KLHDC3: variants seen among roughly 807,000 people sequenced by gnomAD.
KLHDC3 encodes kelch domain containing 3.
In KLHDC3, 5 loss-of-function variants were observed where a neutral mutation model predicts 44.1. That is an observed-to-expected ratio of 0.11 (90% CI 0.06 to 0.24). The LOEUF (loss-of-function observed/expected upper bound fraction) is 0.24, where lower values mean the gene tolerates loss of function less well. Among genes scored for constraint, KLHDC3 ranks in the 10% least tolerant of loss-of-function variants. KLHDC3 has a pLI of 1.00. For synonymous variants in KLHDC3, 170 were observed against 189.0 expected, an observed-to-expected ratio of 0.90 and a Z score of 0.82; for missense variants, 247 against 514.3, an observed-to-expected ratio of 0.48 and a Z score of 5.03.
rs1762634213 is a variant in KLHDC3, at chr6:43,018,835, T to C, written c.821-28T>C. 5.1e-6 allele frequency: 8 copies of C among 1,579,388 alleles called. No individual in the cohort carries two copies. The highest frequency in any genetic ancestry group is 7.0e-6 in the Non-Finnish European group (8 of 1,150,142). On this transcript the variant is annotated intron_variant, in intron 7 of 10. Transcript: ENST00000326974. The surrounding 1 kb of genome is among the most constrained non-coding windows in gnomAD (Gnocchi z 6.0). ...GGAAGATACCTGGACTAGGCAGGTA[T>C]TGAACTTCCATATAAATTTCTCTTC...
chr6:43,015,013 G>T (rs1159948075), intron 1 of KLHDC3, among the ~76,000 whole-genome samples: 1 of 152,158 alleles, frequency 6.6e-6, no homozygotes, highest in Non-Finnish European at 1.5e-5. Context: ...ATATGGCAGA[G>T]AAACTAAAAT....
chr6:43,017,626 A>G lies in KLHDC3; in HGVS notation c.262A>G (p.Thr88Ala). The G allele has an allele frequency of 6.2e-7, 1 of 1,614,122 alleles. No homozygotes were observed. Residue 88 changes from threonine to alanine, a missense_variant, in exon 3 of 11, where the codon ACA becomes GCA. Coordinates refer to ENST00000326974, the MANE Select transcript of KLHDC3 (RefSeq NM_057161.4). This position sits in a 1 kb window ranked among gnomAD's most constrained non-coding sequence, Gnocchi z 6.0. Reference protein sequence around the residue: ...YGHSTVLIDDTVLLWGGRNDT... With the variant: ...YGHSTVLIDDAVLLWGGRNDT... ...ACACTCAACCGTCCTCATCGACGAC[A>G]CAGTCCTCCTTTGGGGCGGGCGGAA...
chr6:43,019,376 GTGGTTGGAAGGGAGGGAT>G lies in KLHDC3; in HGVS notation c.1082+13_1082+30del. 1 of 1,598,090 alleles carries G rather than the reference GTGGTTGGAAGGGAGGGAT, an allele frequency of 6.3e-7. No homozygotes were observed. The highest frequency in any genetic ancestry group is 8.6e-7 in the Non-Finnish European group (1 of 1,165,532). ...TGCCTCATGATATCAGGTACAGCGA[GTGGTTGGAAGGGAGGGAT>G]TGAGTGAGGGTGAGTGAGCAGCACA... On this transcript the variant is annotated intron_variant, in intron 10 of 10. Coordinates refer to ENST00000326974, the MANE Select transcript of KLHDC3 (RefSeq NM_057161.4).
intron 1 of KLHDC3, among the ~76,000 whole-genome samples, chr6:43,015,774 C>G (rs1450353468): frequency 6.8e-6 from 1 of 146,558 alleles, no homozygotes; most frequent in African/African-American, 2.6e-5. Flanking sequence ...CGCTTGAACC[C>G]GGGAGGGAGG....
In KLHDC3 at chr6:43,018,743, A is replaced by G; in HGVS notation, c.820+24A>G. ...TGGTAAAGAGCACTGCATTTAGGGC[A>G]GGAACAAGGAGCAATTGAGGTGGGA... On this transcript the variant is annotated intron_variant, in intron 7 of 10. Coordinates refer to ENST00000326974, the MANE Select transcript of KLHDC3 (RefSeq NM_057161.4). The surrounding 1 kb of genome is among the most constrained non-coding windows in gnomAD (Gnocchi z 6.0). 3 of 1,601,656 alleles carry G rather than the reference A, an allele frequency of 1.9e-6. No individual in the cohort carries two copies. The highest frequency in any genetic ancestry group is 2.6e-6 in the Non-Finnish European group (3 of 1,168,656).
Position 43,020,897 on chromosome 6 carries a change from G to C in KLHDC3, c.*164G>C. 1.5e-6 allele frequency: 1 copy of C among 685,646 alleles called. No individual in the cohort carries two copies. The allele number at this position is 685,646 out of a possible 1,614,324, so 42.5% of individuals were successfully genotyped here. ...GCTGTGAATTCAGTGGGGAGCTGTA[G>C]CGGGGTGGGGGCTAGGTTCCTCCCC... is the stretch of plus-strand genomic sequence containing the variant. On this transcript the variant is annotated 3_prime_UTR_variant, in exon 11 of 11. Coordinates refer to ENST00000326974, the MANE Select transcript of KLHDC3 (RefSeq NM_057161.4).
At chr6:43,019,848 T>C (rs9462865) in intron 10 of KLHDC3, among the ~76,000 whole-genome samples, 2,011 of 152,310 alleles carry the variant, frequency 0.013, 27 homozygotes, top group Non-Finnish European at 0.022. Flanking sequence ...GTCTGGGTCA[T>C]TCTGAGATAC....
chr6:43,018,801 T>TG lies in KLHDC3; in HGVS notation c.821-57dup. 6.5e-7 allele frequency: 1 copy of TG among 1,538,608 alleles called. No homozygotes were observed. Among genetic ancestry groups the TG allele is most frequent in the South Asian group, 1.1e-5 (1 of 89,622 alleles). ...AAAATAATCCTGAGGCGGTGAGGGATGGGGGTGGGGAAGATACCTGGACTA... is the reference window on the plus strand; with the variant it reads ...AAAATAATCCTGAGGCGGTGAGGGATGGGGGGTGGGGAAGATACCTGGACTA... On this transcript the variant is annotated intron_variant, in intron 7 of 10. Transcript: ENST00000326974. This position sits in a 1 kb window ranked among gnomAD's most constrained non-coding sequence, Gnocchi z 6.0.
intron 10 of KLHDC3, among the ~76,000 whole-genome samples, chr6:43,020,040 G>T (rs987119975): frequency 1.3e-5 from 2 of 152,150 alleles, no homozygotes; most frequent in Non-Finnish European, 2.9e-5. Flanking sequence ...GCTGGGCATA[G>T]TGGCAGCCAC....
intron 1 of KLHDC3, among the ~76,000 whole-genome samples, chr6:43,014,787 TAGG>T (rs1279952335): frequency 6.6e-6 from 1 of 151,566 alleles, no homozygotes; most frequent in East Asian, 1.9e-4. Flanking sequence ...CTTGGAATGG[TAGG>T]AGAAGGAAAA....
Position 43,020,775 on chromosome 6 carries a change from C to T in KLHDC3, c.*42C>T. 6.8e-7 allele frequency: 1 copy of T among 1,466,598 alleles called. No individual in the cohort carries two copies. Among genetic ancestry groups the T allele is most frequent in the Non-Finnish European group, 9.6e-7 (1 of 1,045,432 alleles). The allele number at this position is 1,466,598 out of a possible 1,614,324, so 90.8% of individuals were successfully genotyped here. A position where few individuals can be genotyped will look rare whatever the true frequency, so the allele number is the denominator to read the frequency against. ...CCTCCCCTCCTGAGCCTGCTGTCATCTTCACTGCCCCTGCCCATCTGTCAC... is the reference window on the plus strand; with the variant it reads ...CCTCCCCTCCTGAGCCTGCTGTCATTTTCACTGCCCCTGCCCATCTGTCAC... On this transcript the variant is annotated 3_prime_UTR_variant, in exon 11 of 11. Coordinates refer to ENST00000326974, the MANE Select transcript of KLHDC3 (RefSeq NM_057161.4).
chr6:43,014,356 G>T lies in KLHDC3; in HGVS notation c.-60+8G>T. ...CCCGGCTCGGCCTGGCAGGTAGCCT[G>T]GGATGGGTAGAAGGGCAAGGGAGAA... On this transcript the variant is annotated splice_region_variant and intron_variant, in intron 1 of 10. Transcript: ENST00000326974. The T allele has an allele frequency of 1.6e-6, 1 of 619,756 alleles. No homozygotes were observed. The highest frequency in any genetic ancestry group is 4.3e-4 in the Middle Eastern group (1 of 2,338). The allele number at this position is 619,756 out of a possible 1,614,324, so 38.4% of individuals were successfully genotyped here.
chr6:43,019,364 C>G lies in KLHDC3; in HGVS notation c.1080C>G (p.Ile360Met). Residue 360 changes from isoleucine to methionine, a missense_variant and splice_region_variant, in exon 10 of 11, where the codon ATC becomes ATG. Transcript: ENST00000326974. ...ACCAGTCCTGTTTGCCTCATGATAT[C>G]AGGTACAGCGAGTGGTTGGAAGGGA... ...NLDQSCLPHD[I>M]RWELNAMTTN... is the part of the protein sequence containing the mutation. 6.2e-7 allele frequency: 1 copy of G among 1,609,096 alleles called. No individual in the cohort carries two copies. The highest frequency in any genetic ancestry group is 8.5e-7 in the Non-Finnish European group (1 of 1,175,512).
intron 10 of KLHDC3, 90 bp downstream of exon 10, chr6:43,019,456 GAC>G (rs373357608): frequency 4.6e-5 from 39 of 852,790 alleles, no homozygotes; most frequent in South Asian, 3.4e-4. Flanking sequence ...GTATGGAGGA[GAC>G]AGACATTTTT....
At position 43,017,622 on chromosome 6, in the gene KLHDC3, C is replaced by T. The variant is rs144375129; in HGVS notation, c.258C>T (p.Asp86=). 673 of 1,614,108 alleles carry T rather than the reference C, an allele frequency of 4.2e-4. 2 individuals are homozygous for T. The Middle Eastern group carries it at 4.9e-3, about 12-fold the overall frequency. The change falls in exon 3 of 11, where the codon GAC becomes GAT. Residue 86 remains aspartate, a synonymous_variant. Coordinates refer to ENST00000326974, the MANE Select transcript of KLHDC3 (RefSeq NM_057161.4). This position sits in a 1 kb window ranked among gnomAD's most constrained non-coding sequence, Gnocchi z 6.0. ...ATGGACACTCAACCGTCCTCATCGACGACACAGTCCTCCTTTGGGGCGGGC... is the reference window on the plus strand; with the variant it reads ...ATGGACACTCAACCGTCCTCATCGATGACACAGTCCTCCTTTGGGGCGGGC... The part of the protein sequence containing the change: ...MRYGHSTVLI[D]DTVLLWGGRN...
intron 1 of KLHDC3, chr6:43,016,851 C>T (rs989659527): frequency 2.0e-5 from 6 of 296,818 alleles, no homozygotes; most frequent in South Asian, 5.3e-5. Flanking sequence ...GGAGCCTCCA[C>T]GAGTAGGTTG....
chr6:43,020,816 AC>A lies in KLHDC3; in HGVS notation c.*87del. ...CATCTGTCACCCACCTGCTCCTTTGACCCCTGGACTTGGTATACCTCCATGT... is the reference window on the plus strand; with the variant it reads ...CATCTGTCACCCACCTGCTCCTTTGACCCTGGACTTGGTATACCTCCATGT... On this transcript the variant is annotated 3_prime_UTR_variant, in exon 11 of 11. Transcript: ENST00000326974. The A allele has an allele frequency of 9.3e-7, 1 of 1,075,954 alleles. No homozygotes were observed. Among genetic ancestry groups the A allele is most frequent in the Non-Finnish European group, 1.4e-6 (1 of 692,766 alleles). The allele number at this position is 1,075,954 out of a possible 1,614,324, so 66.7% of individuals were successfully genotyped here.
intron 1 of KLHDC3, among the ~76,000 whole-genome samples, chr6:43,016,029 G>A (rs1009404325): frequency 5.3e-5 from 8 of 150,136 alleles, no homozygotes; most frequent in Non-Finnish European, 8.9e-5. Context: ...TCCGCCACCC[G>A]AGTGCAAGCA....
intron 10 of KLHDC3, 62 bp from the exon 11 acceptor site, chr6:43,020,605 A>C: frequency 7.3e-7 from 1 of 1,362,154 alleles, no homozygotes; most frequent in Non-Finnish European, 1.1e-6. Context: ...CTTGGTTCAA[A>C]CATCCCTTAG....
Sources: gnomAD v4.1 joint callset for allele counts (sites outside exome capture counted in the v4.1 genomes callset) on GRCh38, gnomAD v4.1.1 for gene constraint, Gnocchi (gnomAD v3.1) non-coding constraint, MANE v1.5 for transcripts, NCBI Gene and HGNC (gene_info 2026-07-23, HGNC 2026-07-21) for gene names.